B4GALT5: variants seen among roughly 807,000 people sequenced by gnomAD.
The protein encoded by B4GALT5 is beta-1,4-galactosyltransferase 5.
In B4GALT5, 11 loss-of-function variants were observed where a neutral mutation model predicts 45.0. That is an observed-to-expected ratio of 0.24 (90% CI 0.15 to 0.40). The LOEUF (loss-of-function observed/expected upper bound fraction) is 0.40. Ranked by LOEUF, B4GALT5 falls within the 10% of genes least tolerant of loss-of-function variation. The pLI is 1.00. For missense variants in B4GALT5, 337 were observed against 500.2 expected, an observed-to-expected ratio of 0.67 and a Z score of 3.11; for synonymous variants, 185 against 182.9, an observed-to-expected ratio of 1.01 and a Z score of -0.09.
At chr20:49,704,520 C>T (rs949518442) in intron 1 of B4GALT5, among the ~76,000 whole-genome samples, 2 of 151,706 alleles carry the variant, frequency 1.3e-5, no homozygotes, top group African/African-American at 4.8e-5. Flanking sequence ...GAGATCGAGA[C>T]CATCCCGGCT....
At chr20:49,713,198 G>C (rs2085926182) in intron 1 of B4GALT5, among the ~76,000 whole-genome samples, 1 of 151,782 alleles carries the variant, frequency 6.6e-6, no homozygotes, top group South Asian at 2.1e-4. Context: ...GGGGGTTCGA[G>C]GAGACCCCGG....
At position 49,633,313 on chromosome 20, in the gene B4GALT5, C is replaced by T. The variant is rs1307098103; in HGVS notation, c.*2999G>A. 1 of 137,142 alleles carries T rather than the reference C, an allele frequency of 7.3e-6. No homozygotes were observed. The highest frequency in any genetic ancestry group is 2.7e-5 in the African/African-American group (1 of 36,412). The allele number at this position is 137,142 out of a possible 1,614,324, so 8.5% of individuals were successfully genotyped here. ...GCAAATACCCCCCCACCCCCCAAAA[C>T]AGCATGAACAAACGGGGACACCTTT... On this transcript the variant is annotated 3_prime_UTR_variant, in exon 9 of 9. Transcript: ENST00000371711.
chr20:49,665,188 C>T (rs2085684055), intron 1 of B4GALT5, among the ~76,000 whole-genome samples: 1 of 151,900 alleles, frequency 6.6e-6, no homozygotes, highest in Non-Finnish European at 1.5e-5. Context: ...GAGGCCTAAG[C>T]AGGAGGATCA....
In B4GALT5 at chr20:49,663,684, A is replaced by AAGAAG. The variant is rs1303944733; in HGVS notation, c.116-6983_116-6982insCTTCT. The stretch of plus-strand genomic sequence containing the variant: ...TGAGAATTCATCTCAAGAAAAAAAA[A>AAGAAG]AAAAAAATATATACATATATATATA... On this transcript the variant is annotated intron_variant, in intron 1 of 8. Transcript: ENST00000371711. 6.3e-4 allele frequency among the ~76,000 whole-genome samples: 47 copies of AAGAAG among 75,172 alleles called. 3 individuals are homozygous for AAGAAG. In the South Asian group the frequency reaches 0.014, roughly 23 times the overall value. The allele number at this position is 75,172 out of a possible 152,430, so 49.3% of individuals were successfully genotyped here.
chr20:49,676,756 AGGGGCATGAGGGCGG>A, intron 1 of B4GALT5, among the ~76,000 whole-genome samples: 1 of 152,262 alleles, frequency 6.6e-6, no homozygotes, highest in Non-Finnish European at 1.5e-5. Flanking sequence ...TCTGGCCCAT[AGGGGCATGAGGGCGG>A]GGGGCACAGA....
In B4GALT5 at chr20:49,643,525, C is replaced by T. The variant is rs2085585631; in HGVS notation, c.489+1G>A. On this transcript the variant is annotated splice_donor_variant, in intron 4 of 8. Coordinates refer to ENST00000371711, the MANE Select transcript of B4GALT5 (RefSeq NM_004776.4). LOFTEE classifies it high-confidence loss of function. ...ATTTTGGCTGTGACTTCACACCCTA[C>T]CTTCCACCGAGGCATGCAATCAGAA... 1 of 1,613,844 alleles carries T rather than the reference C, an allele frequency of 6.2e-7. No individual in the cohort carries two copies. Among genetic ancestry groups the T allele is most frequent in the South Asian group, 1.1e-5 (1 of 91,070 alleles).
Position 49,670,487 on chromosome 20 carries a change from G to A in B4GALT5, c.116-13785C>T, listed in dbSNP as rs560655763. Reference sequence around the variant, plus strand: ...TTGCCCAGGCTGGTCTCAAATTCCTGAGCTCAAGAGATCTTCATGCCTTAG... The same window carrying A: ...TTGCCCAGGCTGGTCTCAAATTCCTAAGCTCAAGAGATCTTCATGCCTTAG... On this transcript the variant is annotated intron_variant, in intron 1 of 8. Coordinates refer to ENST00000371711, the MANE Select transcript of B4GALT5 (RefSeq NM_004776.4). Among the ~76,000 whole-genome samples, 4 of 152,202 alleles carry A rather than the reference G, an allele frequency of 2.6e-5. No homozygotes were observed. The South Asian group carries it at 8.3e-4, about 32-fold the overall frequency.
chr20:49,662,632 A>G (rs776805806), intron 1 of B4GALT5, among the ~76,000 whole-genome samples: 131 of 152,164 alleles, frequency 8.6e-4, no homozygotes, highest in Non-Finnish European at 1.7e-3. Context: ...CTGTAAGTTA[A>G]CCAGTTTCAC....
At position 49,656,686 on chromosome 20, in the gene B4GALT5, G is replaced by C; in HGVS notation, c.132C>G (p.Phe44Leu). ...TCAGAATGCCTTGGGCTTGCATCAT[G>C]AAGAGGTAGGTGTTCACTGCAGAAA... Reference protein sequence around the residue: ...VAPGIVNTYLFMMQAQGILIR... With the variant: ...VAPGIVNTYLLMMQAQGILIR... Residue 44 changes from phenylalanine to leucine, a missense_variant, in exon 2 of 9, where the codon TTC becomes TTG. This residue lies in a region of B4GALT5 where 174 missense variants were observed against 207.4 expected (regional missense o/e 0.84). Coordinates refer to ENST00000371711, the MANE Select transcript of B4GALT5 (RefSeq NM_004776.4). 1 of 1,614,138 alleles carries C rather than the reference G, an allele frequency of 6.2e-7. No homozygotes were observed. Among genetic ancestry groups the C allele is most frequent in the Non-Finnish European group, 8.5e-7 (1 of 1,180,014 alleles).
At chr20:49,642,672 C>A in intron 4 of B4GALT5, 88 bp from the exon 5 acceptor site, 1 of 850,396 alleles carries the variant, frequency 1.2e-6, no homozygotes, top group South Asian at 1.6e-5. Flanking sequence ...GCTGACCAAC[C>A]CATGGGAGTT....
At chr20:49,639,984 T>C (rs1377412204) in intron 6 of B4GALT5, among the ~76,000 whole-genome samples, 184 bp from the exon 7 acceptor site, 1 of 152,216 alleles carries the variant, frequency 6.6e-6, no homozygotes, top group African/African-American at 2.4e-5. Flanking sequence ...GAGATATAAT[T>C]GACATACCCA....
intron 2 of B4GALT5, among the ~76,000 whole-genome samples, chr20:49,651,159 G>A (rs916049483): frequency 1.3e-5 from 2 of 151,528 alleles, no homozygotes; most frequent in African/African-American, 2.4e-5. Context: ...GGTGGCATGC[G>A]CCTGTAGCTC....
chr20:49,674,313 A>G (rs1384585989), intron 1 of B4GALT5, among the ~76,000 whole-genome samples: 1 of 151,952 alleles, frequency 6.6e-6, no homozygotes, highest in Non-Finnish European at 1.5e-5. Context: ...AAAGTATACT[A>G]ATATTAAAAA....
chr20:49,713,554 C>G (rs1274515746), intron 1 of B4GALT5, 22 bp downstream of exon 1: 6 of 1,552,076 alleles, frequency 3.9e-6, no homozygotes, highest in Middle Eastern at 1.7e-4. Context: ...GCAGCCGCCG[C>G]GGTCCCAAGC....
At chr20:49,674,468 G>A (rs1022023636) in intron 1 of B4GALT5, among the ~76,000 whole-genome samples, 1 of 152,202 alleles carries the variant, frequency 6.6e-6, no homozygotes, top group Admixed American at 6.5e-5. Context: ...AGGGTCGGGT[G>A]TGGTGGCTCA....
At chr20:49,678,091 T>C (rs913664889) in intron 1 of B4GALT5, among the ~76,000 whole-genome samples, 4 of 152,228 alleles carry the variant, frequency 2.6e-5, no homozygotes, top group African/African-American at 9.6e-5. Flanking sequence ...CTGAAAGATA[T>C]GTTCCACCTT....
At chr20:49,705,654 G>A (rs564092744) in intron 1 of B4GALT5, among the ~76,000 whole-genome samples, 8 of 152,126 alleles carry the variant, frequency 5.3e-5, no homozygotes, top group Non-Finnish European at 1.2e-4. Flanking sequence ...GTCTTTACTT[G>A]ACAAAATGAT....
intron 2 of B4GALT5, among the ~76,000 whole-genome samples, chr20:49,651,504 G>A (rs191020871): frequency 3.3e-5 from 5 of 151,494 alleles, no homozygotes; most frequent in Admixed American, 6.6e-5. Flanking sequence ...TAGGAGAATC[G>A]CTTGAACCTG....
intron 1 of B4GALT5, among the ~76,000 whole-genome samples, chr20:49,657,091 A>T (rs1326355906): frequency 6.6e-6 from 1 of 152,016 alleles, no homozygotes; most frequent in African/African-American, 2.4e-5. Flanking sequence ...TCTCAGAATT[A>T]GTTCATGGTT....
Sources: gnomAD v4.1 joint callset for allele counts (sites outside exome capture counted in the v4.1 genomes callset) on GRCh38, gnomAD v4.1.1 for gene constraint, gnomAD v4.1.1 regional missense constraint, MANE v1.5 for transcripts, NCBI Gene and HGNC (gene_info 2026-07-23, HGNC 2026-07-21) for gene names.